GRIA4: variants seen among roughly 807,000 people sequenced by gnomAD.
GRIA4 encodes glutamate receptor 4.
In GRIA4, 34 loss-of-function variants were observed where a neutral mutation model predicts 104.0. That is an observed-to-expected ratio of 0.33 (90% confidence interval 0.25 to 0.44). GRIA4 has a LOEUF of 0.44. Ranked by LOEUF, GRIA4 falls within the 20% of genes least tolerant of loss-of-function variation. The pLI is 1.00. For synonymous variants in GRIA4, 386 were observed against 381.9 expected, an observed-to-expected ratio of 1.01 and a Z score of -0.13; for missense variants, 750 against 1,096.5, an observed-to-expected ratio of 0.68 and a Z score of 4.46.
chr11:105,951,021 C>T (rs1398604897), intron 14 of GRIA4, among the ~76,000 whole-genome samples: 1 of 152,204 alleles, frequency 6.6e-6, no homozygotes, highest in Admixed American at 6.5e-5. Context: ...CCAGGGACTG[C>T]ATCCTAGGGC....
intron 14 of GRIA4, among the ~76,000 whole-genome samples, chr11:105,938,058 C>G (rs1233851183): frequency 6.6e-6 from 1 of 152,170 alleles, no homozygotes; most frequent in African/African-American, 2.4e-5. Context: ...AAACTACTGG[C>G]CTCATAAGAC....
chr11:105,939,922 C>T (rs778793196), intron 14 of GRIA4, among the ~76,000 whole-genome samples: 1 of 152,150 alleles, frequency 6.6e-6, no homozygotes, highest in Non-Finnish European at 1.5e-5. Flanking sequence ...GAACCATTAC[C>T]TTCTTCTGAG....
chr11:105,709,972 T>C (rs1004367477), intron 3 of GRIA4, among the ~76,000 whole-genome samples: 96 of 152,266 alleles, frequency 6.3e-4, no homozygotes, highest in African/African-American at 2.3e-3. Context: ...AACAACAGGA[T>C]AAATTGGAGG....
chr11:105,752,710 A>G (rs766701330), intron 3 of GRIA4, among the ~76,000 whole-genome samples: 1 of 152,102 alleles, frequency 6.6e-6, no homozygotes, highest in Non-Finnish European at 1.5e-5. Context: ...TTTTTATTTT[A>G]GTCAAATTTC....
chr11:105,788,942 A>G (rs1004422286), intron 4 of GRIA4, among the ~76,000 whole-genome samples: 5 of 152,192 alleles, frequency 3.3e-5, no homozygotes, highest in Admixed American at 2.0e-4. Context: ...AATCACATTC[A>G]AAAAGTTGAA....
chr11:105,908,843 G>A (rs1947133850), intron 9 of GRIA4, among the ~76,000 whole-genome samples: 2 of 152,038 alleles, frequency 1.3e-5, no homozygotes, highest in Admixed American at 6.6e-5. Flanking sequence ...TGGCTGATGA[G>A]ATCTTCAGGG....
chr11:105,789,082 C>A (rs988639110), intron 4 of GRIA4, among the ~76,000 whole-genome samples: 1 of 152,066 alleles, frequency 6.6e-6, no homozygotes, highest in East Asian at 1.9e-4. Flanking sequence ...AATCTACCCT[C>A]ATTCTGAAAA....
chr11:105,942,298 T>C (rs185560697), intron 14 of GRIA4, among the ~76,000 whole-genome samples: 1 of 152,200 alleles, frequency 6.6e-6, no homozygotes, highest in East Asian at 1.9e-4. Context: ...TAATATTGTA[T>C]AAGCCATAGA....
At chr11:105,623,074 T>TATAC (rs1950793850) in intron 3 of GRIA4, among the ~76,000 whole-genome samples, 1 of 80,792 alleles carries the variant, frequency 1.2e-5, no homozygotes, top group East Asian at 3.9e-4. Flanking sequence ...TATATATATA[T>TATAC]ATATATATAT....
intron 4 of GRIA4, among the ~76,000 whole-genome samples, chr11:105,834,468 CAG>C (rs1944101629): frequency 6.6e-6 from 1 of 152,060 alleles, no homozygotes; most frequent in Admixed American, 6.6e-5. Context: ...CCTCACTAAA[CAG>C]AGTGTCACTT....
At chr11:105,746,416 CTT>C (rs569193538) in intron 3 of GRIA4, among the ~76,000 whole-genome samples, 5 of 141,688 alleles carry the variant, frequency 3.5e-5, no homozygotes, top group Admixed American at 7.1e-5. Context: ...TCAGGTTTGG[CTT>C]TTTTTTTTTA....
chr11:105,635,192 T>C (rs1375840726), intron 3 of GRIA4, among the ~76,000 whole-genome samples: 1 of 152,172 alleles, frequency 6.6e-6, no homozygotes, highest in Non-Finnish European at 1.5e-5. Context: ...CTTTAAATTA[T>C]CTTTAATTTT....
chr11:105,756,486 T>A (rs1225546845), intron 4 of GRIA4, among the ~76,000 whole-genome samples: 1 of 152,090 alleles, frequency 6.6e-6, no homozygotes, highest in Non-Finnish European at 1.5e-5. Flanking sequence ...AAAAGCAAAA[T>A]TAGAAACAAT....
At chr11:105,775,087 G>A (rs1941391503) in intron 4 of GRIA4, among the ~76,000 whole-genome samples, 1 of 152,022 alleles carries the variant, frequency 6.6e-6, no homozygotes, top group African/African-American at 2.4e-5. Context: ...GCATTCTTTG[G>A]TACTTGGCCC....
At chr11:105,896,384 C>T (rs1591413198) in intron 6 of GRIA4, among the ~76,000 whole-genome samples, 1 of 152,142 alleles carries the variant, frequency 6.6e-6, no homozygotes, top group South Asian at 2.1e-4. Context: ...TGGCTATTTA[C>T]TCTGTTGATT....
chr11:105,798,672 G>T (rs1290752579), intron 4 of GRIA4, among the ~76,000 whole-genome samples: 1 of 152,122 alleles, frequency 6.6e-6, no homozygotes, highest in African/African-American at 2.4e-5. Context: ...GGCACTAGGA[G>T]TGGTGAGAAG....
intron 6 of GRIA4, among the ~76,000 whole-genome samples, chr11:105,889,422 AGT>A (rs910763538): frequency 7.2e-5 from 11 of 152,324 alleles, no homozygotes; most frequent in South Asian, 2.1e-4. Context: ...ATTATAATAC[AGT>A]GTATTAATAT....
chr11:105,789,951 T>C (rs1401110323), intron 4 of GRIA4, among the ~76,000 whole-genome samples: 1 of 152,122 alleles, frequency 6.6e-6, no homozygotes, highest in Non-Finnish European at 1.5e-5. Context: ...CACTCCTATT[T>C]AAAATGGAAT....
intron 10 of GRIA4, chr11:105,912,467 A>G (rs1947280099): frequency 1.5e-5 from 14 of 942,834 alleles, no homozygotes; most frequent in Non-Finnish European, 1.8e-5. Flanking sequence ...GTTTTTAGGA[A>G]GCATGCTATC....
Sources: allele counts gnomAD v4.1 joint callset (sites outside exome capture counted in the v4.1 genomes callset), GRCh38; gene constraint gnomAD v4.1.1; transcripts MANE v1.5; gene names NCBI Gene and HGNC (gene_info 2026-07-23, HGNC 2026-07-21).